PCDHGA2: variants seen among roughly 807,000 people sequenced by gnomAD.
PCDHGA2 encodes the protein protocadherin gamma-A2.
A neutral mutation model predicts 59.2 loss-of-function variants in PCDHGA2; 40 were observed. That is an observed-to-expected ratio of 0.68 (90% confidence interval 0.52 to 0.88). PCDHGA2 has a LOEUF of 0.88. PCDHGA2 is among the 40% of genes least tolerant of loss of function. The pLI, the probability that PCDHGA2 is intolerant of heterozygous loss-of-function variation, is 0.00. For synonymous variants in PCDHGA2, 560 were observed against 526.0 expected (o/e 1.06, Z -0.89); for missense variants, 1,226 against 1,204.0 (o/e 1.02, Z -0.27).
At chr5:141,396,060 G>A (rs1309175410) in intron 1 of PCDHGA2, 1 of 152,318 alleles carries the variant, frequency 6.6e-6, no homozygotes, top group East Asian at 1.9e-4. Flanking sequence ...CCAATTAGCT[G>A]TTTCGGTTGT....
Position 141,397,948 on chromosome 5 carries a change from C to T in PCDHGA2, c.2424+56553C>T, listed in dbSNP as rs139631080. The T allele has an allele frequency of 7.9e-4, 721 of 913,614 alleles. 6 individuals are homozygous for T. The African/African-American group carries it at 0.01, about 13-fold the overall frequency. The allele number at this position is 913,614 out of a possible 1,614,324, so 56.6% of individuals were successfully genotyped here. On this transcript the variant is annotated intron_variant, in intron 1 of 3. Coordinates refer to ENST00000394576, the MANE Select transcript of PCDHGA2 (RefSeq NM_018915.4). Reference sequence around the variant, plus strand: ...CGCAGCCGCAGCGCGCTTTCCAGGGCAGCCCCAGCTCAGACTCCCCAGCGC... The same window carrying T: ...CGCAGCCGCAGCGCGCTTTCCAGGGTAGCCCCAGCTCAGACTCCCCAGCGC...
chr5:141,344,342 G>C, intron 1 of PCDHGA2: 2 of 1,613,852 alleles, frequency 1.2e-6, no homozygotes, highest in East Asian at 4.5e-5. Flanking sequence ...CGCTGTGTCT[G>C]GTAAAAATTA....
At position 141,410,204 on chromosome 5, in the gene PCDHGA2, T is replaced by C. The variant is rs1212919717; in HGVS notation, c.2424+68809T>C. 11 of 1,613,954 alleles carry C rather than the reference T, an allele frequency of 6.8e-6. No homozygotes were observed. In the South Asian group the frequency reaches 9.9e-5, roughly 14 times the overall value. Reference sequence around the variant, plus strand: ...GCTTCATCTGGTCTTCGCAGACAACTTGCAAGAGATACTGCCAGACCTCAG... The same window carrying C: ...GCTTCATCTGGTCTTCGCAGACAACCTGCAAGAGATACTGCCAGACCTCAG... On this transcript the variant is annotated intron_variant, in intron 1 of 3. Transcript: ENST00000394576.
At chr5:141,398,593 G>A (rs2093676056) in intron 1 of PCDHGA2, 1 of 1,614,044 alleles carries the variant, frequency 6.2e-7, no homozygotes, top group Non-Finnish European at 8.5e-7. Flanking sequence ...TATACTAGAA[G>A]TAGCAGAAGA....
chr5:141,365,193 T>C (rs1349681128), intron 1 of PCDHGA2: 2 of 1,613,644 alleles, frequency 1.2e-6, no homozygotes, highest in Non-Finnish European at 1.7e-6. Context: ...GAAGAAAAAA[T>C]TTCGGAGACT....
chr5:141,403,762 T>A (rs1217388200), intron 1 of PCDHGA2: 1 of 1,613,736 alleles, frequency 6.2e-7, no homozygotes, highest in Non-Finnish European at 8.5e-7. Flanking sequence ...GCGACCTGGA[T>A]GAGGGAATCA....
chr5:141,346,283 G>A (rs748040438), intron 1 of PCDHGA2: 9 of 1,614,214 alleles, frequency 5.6e-6, no homozygotes, highest in Middle Eastern at 1.7e-4. Context: ...GGGCTTTCCT[G>A]CAGACCTATT....
intron 1 of PCDHGA2, chr5:141,362,273 T>C: frequency 6.2e-7 from 1 of 1,614,072 alleles, no homozygotes; most frequent in African/African-American, 1.3e-5. Flanking sequence ...GCAATCTCCC[T>C]GCGCCTGCGA....
intron 1 of PCDHGA2, chr5:141,383,450 G>A: frequency 6.2e-7 from 1 of 1,613,960 alleles, no homozygotes; most frequent in Non-Finnish European, 8.5e-7. Context: ...GCTGTGCAAA[G>A]TGGAGACGAT....
intron 1 of PCDHGA2, among the ~76,000 whole-genome samples, chr5:141,470,896 T>C (rs1370454369): frequency 6.6e-6 from 1 of 151,980 alleles, no homozygotes; most frequent in Non-Finnish European, 1.5e-5. Context: ...TTTTGTTTTT[T>C]GTAGAGATGG....
rs1778279940 is a variant in PCDHGA2, at chr5:141,382,546, G to A, written c.2424+41151G>A. Among the ~76,000 whole-genome samples the A allele has an allele frequency of 5.3e-5, 8 of 152,162 alleles. No homozygotes were observed. In the South Asian group the frequency reaches 1.4e-3, roughly 28 times the overall value. The stretch of plus-strand genomic sequence containing the variant: ...TCTTAAAATGGATTTTTAATTATCA[G>A]GGATATCTAGAGCAAAGAAATCTAA... On this transcript the variant is annotated intron_variant, in intron 1 of 3. Coordinates refer to ENST00000394576, the MANE Select transcript of PCDHGA2 (RefSeq NM_018915.4).
intron 1 of PCDHGA2, chr5:141,419,181 A>T (rs769321564): frequency 1.9e-6 from 3 of 1,613,858 alleles, no homozygotes; most frequent in Admixed American, 3.3e-5. Flanking sequence ...ATAACCCTGC[A>T]CATTACTGAC....
intron 1 of PCDHGA2, chr5:141,382,999 T>C (rs1208869928): frequency 6.2e-7 from 1 of 1,613,770 alleles, no homozygotes; most frequent in Non-Finnish European, 8.5e-7. Context: ...TATTCTCTAC[T>C]CCGTGTCGGA....
chr5:141,355,797 T>G (rs1425654380), intron 1 of PCDHGA2: 1 of 1,613,522 alleles, frequency 6.2e-7, no homozygotes, highest in African/African-American at 1.3e-5. Context: ...TGGAACGCGC[T>G]CTAGATCGCG....
At chr5:141,458,094 A>G (rs1036190372) in intron 1 of PCDHGA2, among the ~76,000 whole-genome samples, 3 of 152,260 alleles carry the variant, frequency 2.0e-5, no homozygotes, top group African/African-American at 7.2e-5. Context: ...AGTTAAGAGT[A>G]CTTACAGATA....
intron 1 of PCDHGA2, among the ~76,000 whole-genome samples, chr5:141,439,459 A>ACTG (rs1234039449): frequency 6.6e-6 from 1 of 152,222 alleles, no homozygotes; most frequent in Non-Finnish European, 1.5e-5. Flanking sequence ...GCAAGACTGC[A>ACTG]CTGCTGCCTT....
At position 141,340,272 on chromosome 5, in the gene PCDHGA2, CG is replaced by C. The variant is rs1756925968; in HGVS notation, c.1303del (p.Asp435MetfsTer40). The C allele has an allele frequency of 3.1e-6, 5 of 1,614,048 alleles. No individual in the cohort carries two copies. The highest frequency in any genetic ancestry group is 4.2e-6 in the Non-Finnish European group (5 of 1,180,032). ...AKDGGNPSLS[T>X]DAHILLQVAD... ...GATGGAGGGAACCCCTCCCTGTCCA[CG>C]GATGCTCACATTTTGCTCCAGGTGG... On this transcript the variant is annotated frameshift_variant, in exon 1 of 4. Coordinates refer to ENST00000394576, the MANE Select transcript of PCDHGA2 (RefSeq NM_018915.4). LOFTEE classifies it high-confidence loss of function.
In PCDHGA2 at chr5:141,489,120, G is replaced by C; in HGVS notation, c.2425-5687G>C. The C allele has an allele frequency of 1.1e-5, 5 of 445,662 alleles. No homozygotes were observed. Among genetic ancestry groups the C allele is most frequent in the East Asian group, 3.8e-5 (1 of 26,010 alleles). The allele number at this position is 445,662 out of a possible 1,614,324, so 27.6% of individuals were successfully genotyped here. ...AACTGCTGCAAGCAGGCAAACCTCC[G>C]AGCAGTTTTTAAGAGGCTGGAAGGA... On this transcript the variant is annotated intron_variant, in intron 1 of 3. Transcript: ENST00000394576. This position sits in a 1 kb window ranked among gnomAD's most constrained non-coding sequence, Gnocchi z 4.5.
intron 1 of PCDHGA2, chr5:141,361,920 C>G: frequency 1.2e-6 from 2 of 1,608,060 alleles, no homozygotes; most frequent in Middle Eastern, 4.2e-4. Flanking sequence ...TGGCGGTGGA[C>G]GCAGACTCAG....
Sources: allele counts gnomAD v4.1 joint callset (sites outside exome capture counted in the v4.1 genomes callset), GRCh38; gene constraint gnomAD v4.1.1; non-coding constraint Gnocchi (gnomAD v3.1); transcripts MANE v1.5; gene names NCBI Gene and HGNC (gene_info 2026-07-23, HGNC 2026-07-21).